The following PDE4D variants were observed in gnomAD, a reference collection of about 807,000 sequenced individuals.
The protein encoded by PDE4D is 3',5'-cyclic-AMP phosphodiesterase 4D.
Under a neutral mutation model 87.4 loss-of-function variants are expected in PDE4D, and 24 were observed. The observed-to-expected ratio is 0.27, with a 90% CI of 0.20 to 0.39. The LOEUF is 0.39. Among genes scored for constraint, PDE4D ranks in the 10% least tolerant of loss-of-function variants. The pLI, the probability that PDE4D is intolerant of heterozygous loss-of-function variation, is 1.00. For missense variants in PDE4D, 714 were observed against 1,041.0 expected (o/e 0.69, Z 4.32); for synonymous variants, 384 against 383.2 (o/e 1.00, Z -0.02).
At chr5:60,161,579 C>T (rs1008477853) in intron 2 of PDE4D, among the ~76,000 whole-genome samples, 1 of 152,170 alleles carries the variant, frequency 6.6e-6, no homozygotes, top group South Asian at 2.1e-4. Flanking sequence ...TTCTGGATCC[C>T]CTAGTTGAAG....
chr5:59,459,254 A>G (rs1410322664), intron 1 of PDE4D, among the ~76,000 whole-genome samples: 1 of 152,168 alleles, frequency 6.6e-6, no homozygotes, highest in Non-Finnish European at 1.5e-5. Flanking sequence ...AAACCAGGTT[A>G]ATTTTTAAAA....
chr5:59,244,097 C>T (rs1758260643), intron 1 of PDE4D, among the ~76,000 whole-genome samples: 1 of 151,958 alleles, frequency 6.6e-6, no homozygotes, highest in Admixed American at 6.6e-5. Flanking sequence ...GAAAATACTT[C>T]TTAAAAATGT....
chr5:60,127,545 GA>G, intron 2 of PDE4D: 1 of 454,122 alleles, frequency 2.2e-6, no homozygotes, highest in Non-Finnish European at 3.9e-6. Context: ...CGCATAACTG[GA>G]AGGTGAAATC....
intron 2 of PDE4D, among the ~76,000 whole-genome samples, chr5:60,048,358 C>T (rs1375022356): frequency 6.6e-6 from 1 of 152,020 alleles, no homozygotes; most frequent in African/African-American, 2.4e-5. Flanking sequence ...GCATTTAGTC[C>T]ATTTACATTT....
intron 5 of PDE4D, among the ~76,000 whole-genome samples, chr5:59,052,405 G>C (rs948800411): frequency 6.6e-6 from 1 of 152,174 alleles, no homozygotes; most frequent in Non-Finnish European, 1.5e-5. Context: ...CCAGGGAGGA[G>C]AAGGGATATA....
At chr5:59,959,113 T>TGCAC (rs1423567315) in intron 3 of PDE4D, among the ~76,000 whole-genome samples, 1 of 10,794 alleles carries the variant, frequency 9.3e-5, no homozygotes, top group Non-Finnish European at 1.7e-4. Flanking sequence ...CACACGCAGG[T>TGCAC]GCACACACAC....
Position 60,379,121 on chromosome 5 carries a change from T to C in PDE4D, c.-90+108821A>G, listed in dbSNP as rs771179281. Among the ~76,000 whole-genome samples, 5 of 151,818 alleles carry C rather than the reference T, an allele frequency of 3.3e-5. No individual in the cohort carries two copies. In the East Asian group the frequency reaches 5.8e-4, roughly 18 times the overall value. On this transcript the variant is annotated intron_variant, in intron 1 of 16. Coordinates refer to the PDE4D transcript ENST00000502484. Reference sequence around the variant, plus strand: ...CTATTGTGTGCCTGCTAATAGGCAATGCTCCCTATTGGCACTGAATTTGGA... The same window carrying C: ...CTATTGTGTGCCTGCTAATAGGCAACGCTCCCTATTGGCACTGAATTTGGA...
intron 1 of PDE4D, among the ~76,000 whole-genome samples, chr5:59,248,042 TAAAAAAAAAAA>T (rs70975306): frequency 2.7e-5 from 1 of 37,492 alleles, no homozygotes; most frequent in Non-Finnish European, 4.5e-5. Context: ...TATCTATTAG[TAAAAAAAAAAA>T]AAAAAAAAAA....
intron 1 of PDE4D, among the ~76,000 whole-genome samples, chr5:59,313,429 AT>A (rs1299252477): frequency 6.6e-6 from 1 of 152,086 alleles, no homozygotes; most frequent in African/African-American, 2.4e-5. Context: ...ATCTGGACTG[AT>A]ATTTCCCCCT....
At chr5:59,793,851 G>T (rs1367146202) in intron 1 of PDE4D, among the ~76,000 whole-genome samples, 1 of 152,134 alleles carries the variant, frequency 6.6e-6, no homozygotes, top group African/African-American at 2.4e-5. Flanking sequence ...GTGACAGAGA[G>T]CAATTGCATT....
At chr5:60,079,580 T>G (rs1164496136) in intron 2 of PDE4D, among the ~76,000 whole-genome samples, 1 of 152,170 alleles carries the variant, frequency 6.6e-6, no homozygotes, top group African/African-American at 2.4e-5. Flanking sequence ...GTCCAGTTTC[T>G]GTTTTCTGCA....
chr5:60,395,241 C>G (rs558194952), intron 1 of PDE4D, among the ~76,000 whole-genome samples: 227 of 152,212 alleles, frequency 1.5e-3, no homozygotes, highest in Middle Eastern at 6.8e-3. Flanking sequence ...TGCTGAATAA[C>G]TTGTTGAAAA....
chr5:59,616,660 C>G (rs1347945054), intron 1 of PDE4D, among the ~76,000 whole-genome samples: 2 of 151,700 alleles, frequency 1.3e-5, no homozygotes, highest in Admixed American at 6.6e-5. Context: ...CAAATTTTAT[C>G]CATGAAAATA....
At chr5:60,146,029 C>T (rs1780963161) in intron 2 of PDE4D, among the ~76,000 whole-genome samples, 1 of 152,092 alleles carries the variant, frequency 6.6e-6, no homozygotes, top group Non-Finnish European at 1.5e-5. Context: ...CCCTGTGCAA[C>T]ACGGTGAAAC....
At chr5:59,162,845 C>A (rs1781323782) in intron 5 of PDE4D, among the ~76,000 whole-genome samples, 1 of 77,644 alleles carries the variant, frequency 1.3e-5, no homozygotes, top group South Asian at 3.4e-4. Flanking sequence ...AAAAGTGAGA[C>A]CCTGCATCAA....
At chr5:59,826,145 A>C (rs982499403) in intron 1 of PDE4D, among the ~76,000 whole-genome samples, 4 of 152,140 alleles carry the variant, frequency 2.6e-5, no homozygotes, top group Non-Finnish European at 5.9e-5. Context: ...TGGGCCTGCT[A>C]ATATTTTGTA....
At chr5:60,027,091 G>C (rs1348928120) in intron 2 of PDE4D, among the ~76,000 whole-genome samples, 1 of 151,642 alleles carries the variant, frequency 6.6e-6, no homozygotes, top group Non-Finnish European at 1.5e-5. Context: ...TTTAATTTTA[G>C]ATTCAGGAGG....
chr5:60,331,569 G>A (rs935685486), intron 1 of PDE4D, among the ~76,000 whole-genome samples: 4 of 152,202 alleles, frequency 2.6e-5, no homozygotes, highest in African/African-American at 7.2e-5. Flanking sequence ...CCTGTGTCTT[G>A]GTTTTGGACT....
intron 1 of PDE4D, among the ~76,000 whole-genome samples, chr5:60,243,954 A>G (rs1747417611): frequency 6.6e-6 from 1 of 151,970 alleles, no homozygotes; most frequent in Non-Finnish European, 1.5e-5. Context: ...TCCTAGCTAG[A>G]TCAGTAAGAC....
Sources: gnomAD v4.1 joint callset for allele counts (sites outside exome capture counted in the v4.1 genomes callset) on GRCh38, gnomAD v4.1.1 for gene constraint, MANE v1.5 for transcripts, NCBI Gene and HGNC (gene_info 2026-07-23, HGNC 2026-07-21) for gene names.